WWP1: variants seen among roughly 807,000 people sequenced by gnomAD.
WWP1 encodes the protein NEDD4-like E3 ubiquitin-protein ligase WWP1.
A neutral mutation model predicts 130.6 loss-of-function variants in WWP1; 49 were observed. That is an observed-to-expected ratio of 0.38 (90% CI 0.30 to 0.48). The LOEUF is 0.48. Ranked by LOEUF, WWP1 falls within the 20% of genes least tolerant of loss-of-function variation. The pLI, the probability that WWP1 is intolerant of heterozygous loss-of-function variation, is 0.99. For synonymous variants in WWP1, 332 were observed against 367.8 expected (o/e 0.90, Z 1.11); for missense variants, 809 against 1,100.6 (o/e 0.74, Z 3.75).
intron 2 of WWP1, among the ~76,000 whole-genome samples, chr8:86,371,040 AT>A (rs34031275): frequency 0.015 from 1,465 of 96,898 alleles, 27 homozygotes; most frequent in African/African-American, 0.048. Flanking sequence ...TAATTTTTGT[AT>A]TTTTTTTTTT....
At chr8:86,411,400 T>C in intron 8 of WWP1, 138 bp from the exon 9 acceptor site, 2 of 665,232 alleles carry the variant, frequency 3.0e-6, no homozygotes, top group East Asian at 2.8e-5. Flanking sequence ...TTTGAAAATA[T>C]TACTTTGTCT....
rs36226595 is a variant in WWP1 at position 86,430,798 on chromosome 8, C to CATAT, written c.1387+78_1387+81dup. 4.7e-3 allele frequency: 945 copies of CATAT among 201,564 alleles called. 3 individuals carry two copies. The highest frequency in any genetic ancestry group is 6.3e-3 in the Admixed American group (58 of 9,212). The allele number at this position is 201,564 out of a possible 1,614,324, so 12.5% of individuals were successfully genotyped here. On this transcript the variant is annotated intron_variant, in intron 12 of 24. Transcript: ENST00000517970. ...TCTATAAGGGAGATATATATCTCTC[C>CATAT]ATATATATATATATATATATATATA...
intron 5 of WWP1, among the ~76,000 whole-genome samples, chr8:86,390,343 C>T (rs1807229711): frequency 6.6e-6 from 1 of 152,192 alleles, no homozygotes; most frequent in Non-Finnish European, 1.5e-5. Context: ...CCAAGGCAGG[C>T]GGCTGGGAGG....
chr8:86,430,764 T>C lies in WWP1; in HGVS notation c.1387+13T>C. ...CCACCAGGCTGGGGTAAGCTGTTTT[T>C]GCTAATGATCTATAAGGGAGATATA... On this transcript the variant is annotated intron_variant, in intron 12 of 24. Coordinates refer to ENST00000517970, the MANE Select transcript of WWP1 (RefSeq NM_007013.4). 6.5e-6 allele frequency: 10 copies of C among 1,528,156 alleles called. No homozygotes were observed. The highest frequency in any genetic ancestry group is 8.8e-6 in the Non-Finnish European group (10 of 1,132,972). The allele number at this position is 1,528,156 out of a possible 1,614,324, so 94.7% of individuals were successfully genotyped here.
chr8:86,419,455 G>A (rs1359892951), intron 9 of WWP1, among the ~76,000 whole-genome samples: 2 of 152,158 alleles, frequency 1.3e-5, no homozygotes, highest in African/African-American at 2.4e-5. Flanking sequence ...AATATCCTCT[G>A]AGGGATAAAA....
intron 1 of WWP1, among the ~76,000 whole-genome samples, chr8:86,366,720 T>A (rs1586272471): frequency 6.6e-6 from 1 of 152,160 alleles, no homozygotes; most frequent in East Asian, 1.9e-4. Flanking sequence ...TCACTAGGAT[T>A]ATCAAAAATC....
intron 3 of WWP1, among the ~76,000 whole-genome samples, chr8:86,376,214 T>C (rs532743894): frequency 6.6e-6 from 1 of 152,332 alleles, no homozygotes; most frequent in South Asian, 2.1e-4. Flanking sequence ...CAATGGACAG[T>C]ACACCTGAGG....
chr8:86,372,837 T>G (rs575140484), intron 2 of WWP1, among the ~76,000 whole-genome samples: 7 of 152,280 alleles, frequency 4.6e-5, no homozygotes, highest in Middle Eastern at 3.4e-3. Flanking sequence ...TAGCTCTGAC[T>G]TTGTTGATCC....
intron 14 of WWP1, among the ~76,000 whole-genome samples, chr8:86,433,529 C>T (rs1810111486): frequency 6.6e-6 from 1 of 151,098 alleles, no homozygotes; most frequent in Non-Finnish European, 1.5e-5. Context: ...GCCTGGGCAA[C>T]ATAGCAAGAG....
chr8:86,363,745 G>A (rs912685311), intron 1 of WWP1, among the ~76,000 whole-genome samples: 13 of 145,356 alleles, frequency 8.9e-5, no homozygotes, highest in Admixed American at 1.4e-4. Flanking sequence ...GCAGTGAGCC[G>A]AGATCGCACC....
intron 11 of WWP1, among the ~76,000 whole-genome samples, chr8:86,430,281 TATAG>T (rs1250998741): frequency 6.6e-6 from 1 of 152,112 alleles, no homozygotes; most frequent in Non-Finnish European, 1.5e-5. Context: ...TATATAATAA[TATAG>T]ATATATTTTT....
chr8:86,391,316 T>G (rs1807325089), intron 5 of WWP1, among the ~76,000 whole-genome samples: 1 of 152,224 alleles, frequency 6.6e-6, no homozygotes, highest in South Asian at 2.1e-4. Context: ...ATTTAAGCCA[T>G]CATTTGTGCC....
intron 24 of WWP1, among the ~76,000 whole-genome samples, chr8:86,465,030 A>G (rs1811971277): frequency 2.0e-5 from 3 of 152,170 alleles, no homozygotes; most frequent in Admixed American, 1.3e-4. Context: ...TGTTTTCTCA[A>G]AGTATAAGGA....
intron 1 of WWP1, among the ~76,000 whole-genome samples, chr8:86,345,044 A>T (rs1308664669): frequency 6.6e-6 from 1 of 152,138 alleles, no homozygotes; most frequent in Non-Finnish European, 1.5e-5. Flanking sequence ...GAGACCCTGG[A>T]GGTAGAAAGA....
chr8:86,342,694 G>A lies in WWP1; in HGVS notation c.-351G>A. The stretch of plus-strand genomic sequence containing the variant: ...GAAGGGAGGTGTGGGGTCGGCTGGG[G>A]GTGGCGCGTGGACGGGGTGGGGGTG... On this transcript the variant is annotated 5_prime_UTR_variant, in exon 1 of 25. Coordinates refer to ENST00000517970, the MANE Select transcript of WWP1 (RefSeq NM_007013.4). The A allele has an allele frequency of 3.1e-6, 1 of 326,594 alleles. No individual in the cohort carries two copies. Among genetic ancestry groups the A allele is most frequent in the Middle Eastern group, 8.0e-4 (1 of 1,248 alleles). The allele number at this position is 326,594 out of a possible 1,614,324, so 20.2% of individuals were successfully genotyped here.
chr8:86,363,453 A>G (rs760242384), intron 1 of WWP1, among the ~76,000 whole-genome samples: 4 of 152,086 alleles, frequency 2.6e-5, no homozygotes, highest in African/African-American at 4.8e-5. Flanking sequence ...TTAGTCCAAA[A>G]ACAATGGCTT....
chr8:86,422,144 T>C (rs1054258645), intron 9 of WWP1, among the ~76,000 whole-genome samples: 5 of 152,156 alleles, frequency 3.3e-5, no homozygotes, highest in African/African-American at 4.8e-5. Context: ...TACACATTTG[T>C]AACCATCACA....
intron 10 of WWP1, among the ~76,000 whole-genome samples, chr8:86,425,608 T>A (rs963514263): frequency 6.6e-6 from 1 of 152,118 alleles, no homozygotes; most frequent in African/African-American, 2.4e-5. Flanking sequence ...TTTAGGACAG[T>A]TTATATGTAT....
chr8:86,430,257 CCTAT>C lies in WWP1; in HGVS notation c.1333-433_1333-430del, dbSNP rs1454437714. 2.0e-5 allele frequency among the ~76,000 whole-genome samples: 3 copies of C among 152,114 alleles called. No individual in the cohort carries two copies. The East Asian group carries it at 5.8e-4, about 29-fold the overall frequency. On this transcript the variant is annotated intron_variant, in intron 11 of 24. Transcript: ENST00000517970. ...TTGCTATATTTCCTTATAATGTGGACCTATCTATCTGTCTATATAATAATATAGA... is the reference window on the plus strand; with the variant it reads ...TTGCTATATTTCCTTATAATGTGGACCTATCTGTCTATATAATAATATAGA...
Sources: gnomAD v4.1 joint callset for allele counts (sites outside exome capture counted in the v4.1 genomes callset) on GRCh38, gnomAD v4.1.1 for gene constraint, MANE v1.5 for transcripts, NCBI Gene and HGNC (gene_info 2026-07-23, HGNC 2026-07-21) for gene names.